The following PHRF1 variants were observed in gnomAD, a reference collection of about 807,000 sequenced individuals.
The protein encoded by PHRF1 is PHD and ring finger domains 1.
PHRF1 carries 53 observed loss-of-function variants against 128.9 expected under a neutral mutation model. That is an observed-to-expected ratio of 0.41 (90% CI 0.33 to 0.52). The LOEUF (loss-of-function observed/expected upper bound fraction) is 0.52, where lower values mean the gene tolerates loss of function less well. PHRF1 is among the 20% of genes least tolerant of loss of function. PHRF1 has a pLI of 0.21. For missense variants in PHRF1, 2,503 were observed against 2,284.5 expected (o/e 1.10, Z -1.95); for synonymous variants, 1,178 against 980.6 (o/e 1.20, Z -3.76).
intron 6 of PHRF1, among the ~76,000 whole-genome samples, chr11:594,661 C>A (rs1398244919): frequency 6.6e-6 from 1 of 152,154 alleles, no homozygotes; most frequent in Non-Finnish European, 1.5e-5. Context: ...GGGGTTTCAC[C>A]ATGTTGGCCA....
At chr11:595,364 G>A (rs1855220668) in intron 6 of PHRF1, among the ~76,000 whole-genome samples, 1 of 149,506 alleles carries the variant, frequency 6.7e-6, no homozygotes, top group Middle Eastern at 3.4e-3. Flanking sequence ...ATAAGATACA[G>A]TTTCTGATTT....
chr11:605,215 C>A lies in PHRF1; in HGVS notation c.1249C>A (p.Pro417Thr), dbSNP rs1193884020. Residue 417 changes from proline to threonine, a missense_variant, in exon 11 of 18, where the codon CCC becomes ACC. Coordinates refer to ENST00000264555, the MANE Select transcript of PHRF1 (RefSeq NM_001286581.2). ...CIPSVLKPVEPSLGLLRADIG... is the reference protein window; with the variant it reads ...CIPSVLKPVETSLGLLRADIG... ...CCCGTCAGTGTTGAAGCCAGTGGAG[C>A]CCTCTTTGGGGCTGCTGAGAGCGGA... The A allele has an allele frequency of 1.2e-6, 2 of 1,613,548 alleles. No homozygotes were observed. Among genetic ancestry groups the A allele is most frequent in the Non-Finnish European group, 1.7e-6 (2 of 1,179,886 alleles).
At chr11:587,196 C>T (rs1397019198) in intron 3 of PHRF1, 63 bp from the exon 4 acceptor site, 6 of 1,526,094 alleles carry the variant, frequency 3.9e-6, no homozygotes, top group Non-Finnish European at 5.4e-6. Flanking sequence ...GGCCCGCTTG[C>T]CTCCAGTGCC....
intron 6 of PHRF1, among the ~76,000 whole-genome samples, chr11:594,119 A>C (rs1298354177): frequency 6.6e-6 from 1 of 152,184 alleles, no homozygotes; most frequent in African/African-American, 2.4e-5. Flanking sequence ...AAAGAAAAAA[A>C]AAGGTGGAGG....
chr11:589,090 T>C (rs1854765410), intron 4 of PHRF1, among the ~76,000 whole-genome samples: 1 of 151,274 alleles, frequency 6.6e-6, no homozygotes, highest in Non-Finnish European at 1.5e-5. Flanking sequence ...GAGCTGAGAT[T>C]GCACCACTGC....
At chr11:595,896 C>T (rs1488683130) in intron 6 of PHRF1, among the ~76,000 whole-genome samples, 1 of 152,202 alleles carries the variant, frequency 6.6e-6, no homozygotes, top group Non-Finnish European at 1.5e-5. Flanking sequence ...ACCCGCCGCC[C>T]CCCTCTGCTG....
chr11:598,173 C>T (rs967504331), intron 8 of PHRF1, among the ~76,000 whole-genome samples, 200 bp from the exon 9 acceptor site: 3 of 152,212 alleles, frequency 2.0e-5, no homozygotes, highest in Non-Finnish European at 4.4e-5. Context: ...GTCCCCCACC[C>T]GCCTTGCCCC....
intron 9 of PHRF1, among the ~76,000 whole-genome samples, chr11:600,326 C>T (rs1052731061): frequency 6.6e-6 from 1 of 151,086 alleles, no homozygotes; most frequent in Non-Finnish European, 1.5e-5. Context: ...CAGCTCACTG[C>T]AACCTCTGCC....
intron 1 of PHRF1, among the ~76,000 whole-genome samples, chr11:580,569 T>C (rs1298497196): frequency 1.7e-4 from 26 of 152,188 alleles, no homozygotes; most frequent in Admixed American, 1.6e-3. Context: ...TGGCCAGCCT[T>C]GGCAGGGAGA....
In PHRF1 at chr11:605,121, T is replaced by C. The variant is rs752121724; in HGVS notation, c.1155T>C (p.Ser385=). The change falls in exon 11 of 18, where the codon AGT becomes AGC. Residue 385 remains serine, a splice_region_variant and synonymous_variant. Coordinates refer to ENST00000264555, the MANE Select transcript of PHRF1 (RefSeq NM_001286581.2). ...VKKRRGKKVK[S]EATTRSRIAR... ...TTTTTCTTTGTTACTGGATTCAGAG[T>C]GAAGCCACCACTCGCTCTCGAATCG... is the stretch of plus-strand genomic sequence containing the variant. 3.2e-5 allele frequency: 51 copies of C among 1,606,876 alleles called. No homozygotes were observed. The highest frequency in any genetic ancestry group is 4.3e-5 in the Non-Finnish European group (50 of 1,174,522).
At chr11:581,398 G>A (rs1253617947) in intron 1 of PHRF1, 94 bp from the exon 2 acceptor site, 12 of 993,054 alleles carry the variant, frequency 1.2e-5, no homozygotes, top group South Asian at 6.2e-5. Context: ...GATGTGACAC[G>A]GGGATGTGGC....
At chr11:610,841 G>A (rs1178161352) in intron 16 of PHRF1, 80 bp downstream of exon 16, 31 of 1,582,262 alleles carry the variant, frequency 2.0e-5, no homozygotes, top group South Asian at 9.1e-5. Flanking sequence ...GTTTATGGGC[G>A]GAAGCTGGTC....
rs556043379 is a variant in PHRF1, at chr11:608,267, C to T, written c.2811C>T (p.Pro937=). 1 of 1,610,150 alleles carries T rather than the reference C, an allele frequency of 6.2e-7. No homozygotes were observed. Among genetic ancestry groups the T allele is most frequent in the Non-Finnish European group, 8.5e-7 (1 of 1,179,536 alleles). The part of the protein sequence containing the change: ...GLAARLRRPS[P]PEPWDEEDGA... ...CTGCCCGGCTGCGGAGGCCATCCCCCCCAGAGCCCTGGGATGAGGAGGATG... is the reference window on the plus strand; with the variant it reads ...CTGCCCGGCTGCGGAGGCCATCCCCTCCAGAGCCCTGGGATGAGGAGGATG... Residue 937 remains proline, a synonymous_variant, in exon 14 of 18, where the codon CCC becomes CCT. Coordinates refer to ENST00000264555, the MANE Select transcript of PHRF1 (RefSeq NM_001286581.2).
At chr11:589,280 C>T (rs1854778593) in intron 4 of PHRF1, among the ~76,000 whole-genome samples, 1 of 152,144 alleles carries the variant, frequency 6.6e-6, no homozygotes, top group African/African-American at 2.4e-5. Flanking sequence ...GCTTTTCTAA[C>T]ACAGCCGTGA....
In PHRF1 at chr11:605,431, C is replaced by T. The variant is rs571530299; in HGVS notation, c.1334+131C>T. The T allele has an allele frequency of 4.7e-5, 69 of 1,472,650 alleles. 1 individual carries two copies. In the East Asian group the frequency reaches 5.9e-4, roughly 13 times the overall value. 91.2% of individuals were successfully genotyped at this position (1,472,650 alleles called of 1,614,324 possible). Reference sequence around the variant, plus strand: ...GAGTGAGGGTGGCCATTCCTCCCACCGCCATACGGTGCAGGTGGGTGGCGT... The same window carrying T: ...GAGTGAGGGTGGCCATTCCTCCCACTGCCATACGGTGCAGGTGGGTGGCGT... On this transcript the variant is annotated intron_variant, in intron 11 of 17. Coordinates refer to ENST00000264555, the MANE Select transcript of PHRF1 (RefSeq NM_001286581.2).
chr11:587,138 G>A (rs976846525), intron 3 of PHRF1, 121 bp from the exon 4 acceptor site: 30 of 863,674 alleles, frequency 3.5e-5, no homozygotes, highest in South Asian at 2.3e-4. Context: ...AGGAGCCTGC[G>A]GGGAGGTGGG....
At position 597,434 on chromosome 11, in the gene PHRF1, T is replaced by G; in HGVS notation, c.758T>G (p.Leu253Trp). The change falls in exon 8 of 18, where the codon TTG becomes TGG. Residue 253 changes from leucine (L) to tryptophan (W), a missense_variant. By Grantham distance (61) the Leu-to-Trp change is moderately conservative. Coordinates refer to ENST00000264555, the MANE Select transcript of PHRF1 (RefSeq NM_001286581.2). This position sits in a 1 kb window ranked among gnomAD's most constrained non-coding sequence, Gnocchi z 6.5. ...PVSEEEVSLL[L>W]ADVVPTTSRL... ...AGTGAGGAGGAGGTCTCCCTGCTCT[T>G]GGCTGATGTGGTGCCCACCACCAGC... The G allele has an allele frequency of 6.2e-7, 1 of 1,612,986 alleles. No individual in the cohort carries two copies. The highest frequency in any genetic ancestry group is 8.5e-7 in the Non-Finnish European group (1 of 1,179,622).
In PHRF1 at chr11:581,611, G is replaced by C. The variant is rs751983494; in HGVS notation, c.94+5G>C. The stretch of plus-strand genomic sequence containing the variant: ...CGGACCCGGCAGGTGACTTTGGTGA[G>C]CTGCCTAGCGCCGGGTAGGGGCGTC... On this transcript the variant is annotated splice_donor_5th_base_variant and intron_variant, in intron 2 of 17. Coordinates refer to ENST00000264555, the MANE Select transcript of PHRF1 (RefSeq NM_001286581.2). The C allele has an allele frequency of 4.4e-6, 7 of 1,608,678 alleles. No homozygotes were observed. The highest frequency in any genetic ancestry group is 5.1e-6 in the Non-Finnish European group (6 of 1,176,862).
chr11:604,164 G>C (rs962023394), intron 10 of PHRF1, among the ~76,000 whole-genome samples: 1 of 152,232 alleles, frequency 6.6e-6, no homozygotes, highest in Non-Finnish European at 1.5e-5. Context: ...TTTGCGGGGT[G>C]CCCTGAGCCT....
Sources: allele counts gnomAD v4.1 joint callset (sites outside exome capture counted in the v4.1 genomes callset), GRCh38; gene constraint gnomAD v4.1.1; non-coding constraint Gnocchi (gnomAD v3.1); transcripts MANE v1.5; gene names NCBI Gene and HGNC (gene_info 2026-07-23, HGNC 2026-07-21).